Variants in SOX5 observed in about 807,000 individuals in gnomAD.
SOX5 encodes the protein transcription factor SOX-5.
In SOX5, 9 loss-of-function variants were observed where a neutral mutation model predicts 92.0. That is an observed-to-expected ratio of 0.10 (90% CI 0.06 to 0.17). The LOEUF is 0.17. Ranked by LOEUF, SOX5 falls within the 10% of genes least tolerant of loss-of-function variation. The pLI is 1.00. For synonymous variants in SOX5, 344 were observed against 336.3 expected (o/e 1.02, Z -0.25); for missense variants, 642 against 944.5 (o/e 0.68, Z 4.20).
intron 4 of SOX5, among the ~76,000 whole-genome samples, chr12:24,056,696 C>T (rs984489155): frequency 2.0e-5 from 3 of 152,170 alleles, no homozygotes; most frequent in African/African-American, 7.2e-5. Context: ...AAAATTCAGG[C>T]CGGGCGCGGT....
chr12:24,263,282 C>T (rs1266735703), intron 3 of SOX5, among the ~76,000 whole-genome samples: 1 of 151,684 alleles, frequency 6.6e-6, no homozygotes, highest in Non-Finnish European at 1.5e-5. Flanking sequence ...AATCCCAGCA[C>T]TTTGGGAGGC....
chr12:24,237,635 A>G (rs1964768457), intron 3 of SOX5, among the ~76,000 whole-genome samples: 1 of 151,840 alleles, frequency 6.6e-6, no homozygotes, highest in East Asian at 1.9e-4. Context: ...GGTAACAATT[A>G]TGAAATATTT....
chr12:24,344,814 G>A (rs1953039137), intron 2 of SOX5, among the ~76,000 whole-genome samples: 1 of 152,152 alleles, frequency 6.6e-6, no homozygotes, highest in Non-Finnish European at 1.5e-5. Context: ...TTGGGAGGAT[G>A]TTGATTTTGC....
At chr12:24,353,711 G>A (rs1954418980) in intron 2 of SOX5, among the ~76,000 whole-genome samples, 1 of 151,952 alleles carries the variant, frequency 6.6e-6, no homozygotes, top group African/African-American at 2.4e-5. Flanking sequence ...TGGGATCTTG[G>A]CTCACTGCAA....
At chr12:23,693,872 G>A (rs796777233) in intron 6 of SOX5, among the ~76,000 whole-genome samples, 26 of 151,934 alleles carry the variant, frequency 1.7e-4, no homozygotes, top group African/African-American at 6.3e-4. Context: ...TAATTTCTTT[G>A]CTTTCCATTC....
intron 9 of SOX5, among the ~76,000 whole-genome samples, chr12:23,598,700 C>T (rs1952918508): frequency 6.6e-6 from 1 of 151,854 alleles, no homozygotes; most frequent in African/African-American, 2.4e-5. Flanking sequence ...CACCCGGCCA[C>T]TCTTGTGCTA....
At chr12:23,879,850 A>G (rs1300808356) in intron 2 of SOX5, among the ~76,000 whole-genome samples, 1 of 152,174 alleles carries the variant, frequency 6.6e-6, no homozygotes, top group Non-Finnish European at 1.5e-5. Flanking sequence ...TCTATGGCTC[A>G]AAAAGTGGGT....
chr12:23,943,780 T>C (rs1043637596), intron 1 of SOX5, among the ~76,000 whole-genome samples: 2 of 152,156 alleles, frequency 1.3e-5, no homozygotes, highest in Non-Finnish European at 2.9e-5. Flanking sequence ...CAAATGTCTA[T>C]GAACATCTAC....
intron 1 of SOX5, among the ~76,000 whole-genome samples, chr12:24,450,290 A>G (rs779199077): frequency 6.6e-6 from 1 of 152,108 alleles, no homozygotes; most frequent in African/African-American, 2.4e-5. Flanking sequence ...CTGTAACTCA[A>G]ACTTTGTTGT....
At chr12:24,155,869 T>C (rs1175856590) in intron 4 of SOX5, among the ~76,000 whole-genome samples, 1 of 152,052 alleles carries the variant, frequency 6.6e-6, no homozygotes, top group African/African-American at 2.4e-5. Flanking sequence ...ATCAGGTCCT[T>C]GAGAGGTTAG....
intron 3 of SOX5, among the ~76,000 whole-genome samples, chr12:24,254,329 C>T (rs568443805): frequency 6.6e-6 from 1 of 151,546 alleles, no homozygotes; most frequent in East Asian, 1.9e-4. Context: ...TCCATTAGCA[C>T]AGATGCTCCT....
chr12:23,613,853 A>G (rs761288755), intron 8 of SOX5, among the ~76,000 whole-genome samples: 2 of 152,162 alleles, frequency 1.3e-5, no homozygotes, highest in African/African-American at 2.4e-5. Context: ...GGTGGTTTTC[A>G]GGGGCTCAGG....
intron 3 of SOX5, among the ~76,000 whole-genome samples, chr12:23,769,257 T>C (rs2094842527): frequency 6.6e-6 from 1 of 152,162 alleles, no homozygotes; most frequent in South Asian, 2.1e-4. Context: ...TGATTTGAGC[T>C]TAATTGAATC....
intron 2 of SOX5, among the ~76,000 whole-genome samples, chr12:23,887,206 A>G (rs1302461495): frequency 6.6e-6 from 1 of 152,162 alleles, no homozygotes; most frequent in Non-Finnish European, 1.5e-5. Context: ...AAGAGGCAAC[A>G]TATAAGAGGA....
At chr12:24,197,481 A>G (rs1202370211) in intron 4 of SOX5, among the ~76,000 whole-genome samples, 1 of 152,240 alleles carries the variant, frequency 6.6e-6, no homozygotes, top group East Asian at 1.9e-4. Context: ...GCTGTGGCAG[A>G]GAACACTAAC....
intron 2 of SOX5, among the ~76,000 whole-genome samples, chr12:24,332,533 A>T (rs11047373): frequency 0.11 from 16,581 of 152,218 alleles, 1,344 homozygotes; most frequent in East Asian, 0.5. Context: ...AGGAATCAAG[A>T]GACCTAACAT....
intron 3 of SOX5, among the ~76,000 whole-genome samples, chr12:23,843,908 C>T (rs1276162503): frequency 1.3e-5 from 2 of 152,118 alleles, no homozygotes; most frequent in Non-Finnish European, 2.9e-5. Flanking sequence ...GCAGAAGACA[C>T]ACTCATACTA....
In SOX5 at chr12:23,709,754, T is replaced by C. The variant is rs571712136; in HGVS notation, c.810+24930A>G. Among the ~76,000 whole-genome samples, 24 of 152,326 alleles carry C rather than the reference T, an allele frequency of 1.6e-4. 1 individual carries two copies. In the South Asian group the frequency reaches 3.3e-3, roughly 21 times the overall value. On this transcript the variant is annotated intron_variant, in intron 6 of 14. Transcript: ENST00000451604. ...TGTTTCTGTTCATGTCTGTTTGACT[T>C]ACATACTGAAAATACTACATCAGGA...
At chr12:23,859,743 C>A (rs1259592285) in intron 2 of SOX5, among the ~76,000 whole-genome samples, 1 of 152,100 alleles carries the variant, frequency 6.6e-6, no homozygotes, top group Non-Finnish European at 1.5e-5. Flanking sequence ...TGTGATGTCA[C>A]CCCTGGAGGC....
Sources: allele counts gnomAD v4.1 joint callset (sites outside exome capture counted in the v4.1 genomes callset), GRCh38; gene constraint gnomAD v4.1.1; transcripts MANE v1.5; gene names NCBI Gene and HGNC (gene_info 2026-07-23, HGNC 2026-07-21).